Variants in NALF1 observed in about 807,000 individuals in gnomAD.
NALF1 encodes NALCN channel auxiliary factor 1.
A neutral mutation model predicts 48.4 loss-of-function variants in NALF1; 3 were observed. That is an observed-to-expected ratio of 0.06 (90% confidence interval 0.03 to 0.16). The LOEUF (loss-of-function observed/expected upper bound fraction) is 0.16. NALF1 is among the 10% of genes least tolerant of loss of function. The probability of loss-of-function intolerance (pLI) is 1.00; values close to 1 mark genes in which losing one functional copy is unlikely to be tolerated. For synonymous variants in NALF1, 262 were observed against 245.7 expected (o/e 1.07, Z -0.62); for missense variants, 526 against 571.5 (o/e 0.92, Z 0.81).
intron 1 of NALF1, among the ~76,000 whole-genome samples, chr13:107,645,680 CAAAAAAA>C (rs56187783): frequency 0.037 from 4,885 of 132,432 alleles, 111 homozygotes; most frequent in African/African-American, 0.076. Flanking sequence ...TACTGGGAGA[CAAAAAAA>C]AAAAAAAAAA....
chr13:107,582,634 T>C (rs1878345912), intron 1 of NALF1, among the ~76,000 whole-genome samples: 1 of 152,178 alleles, frequency 6.6e-6, no homozygotes, highest in South Asian at 2.1e-4. Context: ...AAATTGTTTC[T>C]TTTCTTAAAA....
chr13:107,530,532 T>C (rs1876594119), intron 1 of NALF1, among the ~76,000 whole-genome samples: 1 of 152,046 alleles, frequency 6.6e-6, no homozygotes, highest in Admixed American at 6.6e-5. Context: ...ATGACAAGAT[T>C]TTTATGTATG....
At chr13:107,323,299 C>T (rs1882291304) in intron 1 of NALF1, among the ~76,000 whole-genome samples, 1 of 152,130 alleles carries the variant, frequency 6.6e-6, no homozygotes, top group African/African-American at 2.4e-5. Flanking sequence ...TCTAACAGCT[C>T]CACTCAGATT....
chr13:107,361,542 G>GA (rs1409980949), intron 1 of NALF1, among the ~76,000 whole-genome samples: 1 of 152,032 alleles, frequency 6.6e-6, no homozygotes, highest in Non-Finnish European at 1.5e-5. Flanking sequence ...ATGAGCCATG[G>GA]AAAAAAAGTG....
intron 1 of NALF1, among the ~76,000 whole-genome samples, chr13:107,638,201 A>ATATATATATATGTGTATG (rs372122331): frequency 2.7e-5 from 3 of 110,832 alleles, no homozygotes; most frequent in Non-Finnish European, 5.9e-5. Flanking sequence ...ATATATATAT[A>ATATATATATATGTGTATG]TATATAATTT....
At chr13:107,364,946 C>A (rs1202843562) in intron 1 of NALF1, among the ~76,000 whole-genome samples, 1 of 91,438 alleles carries the variant, frequency 1.1e-5, no homozygotes, top group Non-Finnish European at 2.2e-5. Context: ...TCCCACTCCC[C>A]CTCCTCATTT....
At position 107,788,993 on chromosome 13, in the gene NALF1, G is replaced by A. The variant is rs2138585364; in HGVS notation, c.915+76689C>T. On this transcript the variant is annotated intron_variant, in intron 1 of 2. Transcript: ENST00000375915. ...AATTAGATAGCAGAGAAACTCCAGT[G>A]TCTGTCACAAGTGCCATTCTGACTG... 2.6e-5 allele frequency: 4 copies of A among 152,280 alleles called. No individual in the cohort carries two copies. In the Middle Eastern group the frequency reaches 0.014, roughly 518 times the overall value. The allele number at this position is 152,280 out of a possible 1,614,324, so 9.4% of individuals were successfully genotyped here.
At chr13:107,791,654 T>A (rs2138587577) in intron 1 of NALF1, among the ~76,000 whole-genome samples, 1 of 152,276 alleles carries the variant, frequency 6.6e-6, no homozygotes, top group Non-Finnish European at 1.5e-5. Context: ...CAAATAATAA[T>A]GAGTTTACCA....
intron 1 of NALF1, among the ~76,000 whole-genome samples, chr13:107,319,141 C>T (rs992978237): frequency 6.6e-6 from 1 of 152,008 alleles, no homozygotes; most frequent in Non-Finnish European, 1.5e-5. Flanking sequence ...GGAGAATGTG[C>T]CAAGAGATAG....
chr13:107,210,694 T>C lies in NALF1; in HGVS notation c.977A>G (p.Lys326Arg). 1 of 1,612,242 alleles carries C rather than the reference T, an allele frequency of 6.2e-7. No individual in the cohort carries two copies. The highest frequency in any genetic ancestry group is 8.5e-7 in the Non-Finnish European group (1 of 1,178,230). The change falls in exon 2 of 3, where the codon AAG becomes AGG. Residue 326 changes from lysine (K) to arginine (R), a missense_variant. By Grantham distance (26) the Lys-to-Arg change is conservative. Transcript: ENST00000375915. ...ACAGTATTGCTTGCAAGGAATTGTC[T>C]TTCTGCAGTTAAACTGTGTGACTTC... ...YFEVTQFNCRKTIPCKQYCLE... is the reference protein window; with the variant it reads ...YFEVTQFNCRRTIPCKQYCLE...
At chr13:107,797,355 A>G (rs1025305173) in intron 1 of NALF1, among the ~76,000 whole-genome samples, 5 of 151,740 alleles carry the variant, frequency 3.3e-5, no homozygotes, top group Admixed American at 2.6e-4. Flanking sequence ...ACAGGCGCCC[A>G]CCACCATGCC....
chr13:107,404,278 T>G (rs1217669213), intron 1 of NALF1, among the ~76,000 whole-genome samples: 3 of 152,126 alleles, frequency 2.0e-5, no homozygotes, highest in Non-Finnish European at 2.9e-5. Context: ...TGCTGAAACC[T>G]GCATTAACCA....
chr13:107,798,809 T>C (rs1878512401), intron 1 of NALF1, among the ~76,000 whole-genome samples: 1 of 152,228 alleles, frequency 6.6e-6, no homozygotes, highest in Non-Finnish European at 1.5e-5. Flanking sequence ...CTGTAGTCCA[T>C]GAAATCCTGG....
intron 1 of NALF1, among the ~76,000 whole-genome samples, chr13:107,262,042 T>G (rs1880937735): frequency 6.6e-6 from 1 of 152,004 alleles, no homozygotes; most frequent in Non-Finnish European, 1.5e-5. Context: ...AGGCTTAAGA[T>G]CCAAATAAAT....
At chr13:107,821,306 T>C (rs1427884554) in intron 1 of NALF1, among the ~76,000 whole-genome samples, 1 of 152,268 alleles carries the variant, frequency 6.6e-6, no homozygotes, top group African/African-American at 2.4e-5. Flanking sequence ...ATTATGCACG[T>C]ACAGCGACTT....
chr13:107,226,559 A>G (rs1880111672), intron 1 of NALF1, among the ~76,000 whole-genome samples: 1 of 152,224 alleles, frequency 6.6e-6, no homozygotes. Context: ...TGTTGCTCGA[A>G]TTTCATAGAC....
intron 1 of NALF1, among the ~76,000 whole-genome samples, chr13:107,288,257 T>A (rs866591076): frequency 9.5e-5 from 14 of 147,994 alleles, no homozygotes; most frequent in Middle Eastern, 3.7e-3. Flanking sequence ...TCTCGCTCTG[T>A]CGCCCAGGCT....
chr13:107,575,935 ATGTG>A (rs774090749), intron 1 of NALF1, among the ~76,000 whole-genome samples: 11 of 149,692 alleles, frequency 7.3e-5, no homozygotes, highest in Admixed American at 1.3e-4. Flanking sequence ...ATATGTGTGC[ATGTG>A]TGTGTATGTG....
At chr13:107,720,254 G>C (rs1293368567) in intron 1 of NALF1, among the ~76,000 whole-genome samples, 1 of 152,184 alleles carries the variant, frequency 6.6e-6, no homozygotes, top group African/African-American at 2.4e-5. Flanking sequence ...GCTCATGCCT[G>C]TAATCCCAGC....
Sources: gnomAD v4.1 joint callset for allele counts (sites outside exome capture counted in the v4.1 genomes callset) on GRCh38, gnomAD v4.1.1 for gene constraint, MANE v1.5 for transcripts, NCBI Gene and HGNC (gene_info 2026-07-23, HGNC 2026-07-21) for gene names.